Variants in RHOBTB1 observed in about 807,000 individuals in gnomAD.
RHOBTB1 encodes the protein rho-related BTB domain-containing protein 1.
A neutral mutation model predicts 71.6 loss-of-function variants in RHOBTB1; 40 were observed. The observed-to-expected ratio is 0.56, with a 90% CI of 0.43 to 0.73. The LOEUF (loss-of-function observed/expected upper bound fraction) is 0.73, where lower values mean the gene tolerates loss of function less well. Ranked by LOEUF, RHOBTB1 falls within the 30% of genes least tolerant of loss-of-function variation. The probability of loss-of-function intolerance (pLI) is 0.00; values close to 1 mark genes in which losing one functional copy is unlikely to be tolerated. For missense variants in RHOBTB1, 797 were observed against 894.0 expected (o/e 0.89, Z 1.38); for synonymous variants, 319 against 334.9 (o/e 0.95, Z 0.52).
At chr10:60,864,343 T>C in the RHOBTB1 span, among the ~76,000 whole-genome samples, 1 of 152,194 alleles carries the variant, frequency 6.6e-6, no homozygotes, top group Admixed American at 6.5e-5. Flanking sequence ...TTATTATTAT[T>C]ATGATGAGTC....
At chr10:60,984,467 A>G (rs2086599177) in intron 2 of RHOBTB1, among the ~76,000 whole-genome samples, 1 of 152,228 alleles carries the variant, frequency 6.6e-6, no homozygotes, top group Admixed American at 6.5e-5. Flanking sequence ...AACATATTTG[A>G]ATCTGGCTTA....
intron 2 of RHOBTB1, among the ~76,000 whole-genome samples, chr10:60,968,394 A>G (rs1413250330): frequency 6.6e-6 from 1 of 152,150 alleles, no homozygotes; most frequent in East Asian, 1.9e-4. Flanking sequence ...CAATGTTTTA[A>G]AACAGGAGTA....
rs372998480 is a variant in RHOBTB1 at position 60,888,812 on chromosome 10, C to A, written c.856G>T (p.Ala286Ser). 8 of 1,614,024 alleles carry A rather than the reference C, an allele frequency of 5.0e-6. No individual in the cohort carries two copies. Among genetic ancestry groups the A allele is most frequent in the African/African-American group, 1.3e-5 (1 of 74,896 alleles). ...TCATAAAATTTGGAAGAAGAGGTAG[C>A]GAGGTAAATTCGATGTGCAAAGATG... ...EHIFAHRIYL[A>S]TSSSKFYDLF... The change falls in exon 6 of 11, where the codon GCT (alanine) becomes TCT (serine). Residue 286 changes from alanine (A) to serine (S), a missense_variant. Coordinates refer to ENST00000337910, the MANE Select transcript of RHOBTB1 (RefSeq NM_014836.5).
At chr10:60,989,356 C>T (rs2086778018) in intron 1 of RHOBTB1, among the ~76,000 whole-genome samples, 1 of 152,204 alleles carries the variant, frequency 6.6e-6, no homozygotes, top group South Asian at 2.1e-4. Context: ...GAATTTATTT[C>T]ATTGCATAAG....
At chr10:60,902,917 G>A (rs550604340) in intron 4 of RHOBTB1, among the ~76,000 whole-genome samples, 3 of 152,158 alleles carry the variant, frequency 2.0e-5, no homozygotes, top group Non-Finnish European at 4.4e-5. Flanking sequence ...ACCAGGCCAC[G>A]TATCGGGGAT....
chr10:60,951,727 CT>C (rs2085415131), intron 2 of RHOBTB1, among the ~76,000 whole-genome samples: 1 of 152,164 alleles, frequency 6.6e-6, no homozygotes, highest in South Asian at 2.1e-4. Context: ...TTGAATGGCA[CT>C]TTGGGCAGGA....
chr10:60,882,446 C>T (rs1435948856), intron 7 of RHOBTB1, among the ~76,000 whole-genome samples: 2 of 152,130 alleles, frequency 1.3e-5, no homozygotes, highest in African/African-American at 4.8e-5. Flanking sequence ...ATTATGCTTA[C>T]TGCTACATTA....
intron 2 of RHOBTB1, among the ~76,000 whole-genome samples, chr10:60,930,864 C>T (rs775515296): frequency 1.3e-5 from 2 of 151,980 alleles, no homozygotes; most frequent in Non-Finnish European, 2.9e-5. Flanking sequence ...ATTGGCATTC[C>T]CATCCATTAT....
chr10:60,987,919 CTTT>C (rs71018937), intron 1 of RHOBTB1, among the ~76,000 whole-genome samples: 810 of 53,528 alleles, frequency 0.015, 14 homozygotes, highest in Admixed American at 0.037. Flanking sequence ...AAATACTCAA[CTTT>C]TTTTTTTTTT....
chr10:60,861,995 T>C, the RHOBTB1 span, among the ~76,000 whole-genome samples: 3 of 152,266 alleles, frequency 2.0e-5, 1 homozygote, highest in South Asian at 6.2e-4. Flanking sequence ...AGAAGATCTT[T>C]GTTAGTTTAT....
At chr10:60,874,069 C>A (rs930784098) in intron 9 of RHOBTB1, among the ~76,000 whole-genome samples, 2 of 152,242 alleles carry the variant, frequency 1.3e-5, no homozygotes, top group African/African-American at 2.4e-5. Flanking sequence ...CCTGAAACCA[C>A]CTCCTTTCCT....
At chr10:60,942,600 GAGCAGAA>G (rs2084959021) in intron 1 of RHOBTB1, among the ~76,000 whole-genome samples, 1 of 152,206 alleles carries the variant, frequency 6.6e-6, no homozygotes, top group Admixed American at 6.5e-5. Flanking sequence ...TCCACCTGGG[GAGCAGAA>G]TGCAGACATT....
chr10:60,976,570 C>T (rs1313085546), intron 2 of RHOBTB1, among the ~76,000 whole-genome samples: 3 of 151,846 alleles, frequency 2.0e-5, no homozygotes, highest in Non-Finnish European at 4.4e-5. Flanking sequence ...TGTAGTAATG[C>T]CCCTTGTTTG....
chr10:60,977,982 C>A (rs2086369679), intron 2 of RHOBTB1, among the ~76,000 whole-genome samples: 1 of 152,010 alleles, frequency 6.6e-6, no homozygotes, highest in Non-Finnish European at 1.5e-5. Flanking sequence ...TTAAAGGTTG[C>A]CTCATCTATA....
At chr10:60,959,042 G>A (rs2085692052) in intron 2 of RHOBTB1, among the ~76,000 whole-genome samples, 1 of 152,040 alleles carries the variant, frequency 6.6e-6, no homozygotes, top group Non-Finnish European at 1.5e-5. Flanking sequence ...AGGACTAAGT[G>A]GTCAGGAATG....
intron 2 of RHOBTB1, among the ~76,000 whole-genome samples, chr10:60,949,444 T>C (rs2085339558): frequency 6.6e-6 from 1 of 152,202 alleles, no homozygotes; most frequent in Admixed American, 6.5e-5. Context: ...CTGCAGGATT[T>C]TGACTACTTG....
At chr10:60,921,173 C>T (rs1465292595) in intron 2 of RHOBTB1, among the ~76,000 whole-genome samples, 1 of 152,082 alleles carries the variant, frequency 6.6e-6, no homozygotes, top group Non-Finnish European at 1.5e-5. Flanking sequence ...GTCTTGAACT[C>T]TTGATCTCAG....
chr10:60,955,524 C>T (rs4472883), intron 2 of RHOBTB1, among the ~76,000 whole-genome samples: 2 of 152,270 alleles, frequency 1.3e-5, no homozygotes, highest in Admixed American at 6.5e-5. Flanking sequence ...CAAGGAGTAT[C>T]TGTCCTGAGC....
At chr10:60,982,716 A>T (rs2086540948) in intron 2 of RHOBTB1, among the ~76,000 whole-genome samples, 1 of 152,180 alleles carries the variant, frequency 6.6e-6, no homozygotes, top group Non-Finnish European at 1.5e-5. Flanking sequence ...ATACTGTTAG[A>T]CTAATATTAC....
Sources: allele counts gnomAD v4.1 joint callset (sites outside exome capture counted in the v4.1 genomes callset), GRCh38; gene constraint gnomAD v4.1.1; transcripts MANE v1.5; gene names NCBI Gene and HGNC (gene_info 2026-07-23, HGNC 2026-07-21).